Variants in NBEAL1 observed in about 807,000 individuals in gnomAD.
NBEAL1 encodes neurobeachin like 1.
NBEAL1 carries 273 observed loss-of-function variants against 351.3 expected under a neutral mutation model. That is an observed-to-expected ratio of 0.78 (90% CI 0.70 to 0.86). The LOEUF (loss-of-function observed/expected upper bound fraction) is 0.86, where lower values mean the gene tolerates loss of function less well. Among genes scored for constraint, NBEAL1 ranks in the 40% least tolerant of loss-of-function variants. The pLI is 0.00. For missense variants in NBEAL1, 2,961 were observed against 3,201.3 expected (o/e 0.92, Z 1.81); for synonymous variants, 1,050 against 1,086.4 (o/e 0.97, Z 0.66).
At position 203,047,739 on chromosome 2, in the gene NBEAL1, CTAT is replaced by C. The variant is rs780544165; in HGVS notation, c.144-2073_144-2071del. On this transcript the variant is annotated intron_variant, in intron 3 of 55. Coordinates refer to ENST00000683969, the MANE Select transcript of NBEAL1 (RefSeq NM_001378026.1). ...TGCAGTCACAATTTTCTATTTCTTT[CTAT>C]TTTTTTTTTTTTTTTTTTTGAGAGA... is the stretch of plus-strand genomic sequence containing the variant. Among the ~76,000 whole-genome samples the C allele has an allele frequency of 2.4e-4, 23 of 94,362 alleles. No individual in the cohort carries two copies. The East Asian group carries it at 6.1e-3, about 25-fold the overall frequency. The allele number at this position is 94,362 out of a possible 152,430, so 61.9% of individuals were successfully genotyped here. A position where few individuals can be genotyped will look rare whatever the true frequency, so the allele number is the denominator to read the frequency against.
chr2:203,154,361 AG>A (rs1300359333), intron 35 of NBEAL1, among the ~76,000 whole-genome samples: 7 of 152,204 alleles, frequency 4.6e-5, no homozygotes, highest in Admixed American at 4.6e-4. Context: ...ATATCTTTAA[AG>A]TTCTTTGAAG....
intron 3 of NBEAL1, among the ~76,000 whole-genome samples, chr2:203,044,585 A>C (rs1398751267): frequency 6.6e-6 from 1 of 152,216 alleles, no homozygotes; most frequent in Non-Finnish European, 1.5e-5. Context: ...GAAGAACGCC[A>C]AGAGCATTGC....
chr2:203,057,456 A>T lies in NBEAL1; in HGVS notation c.515+3A>T, dbSNP rs2061422448. 11 of 1,545,634 alleles carry T rather than the reference A, an allele frequency of 7.1e-6. No homozygotes were observed. Among genetic ancestry groups the T allele is most frequent in the Non-Finnish European group, 9.6e-6 (11 of 1,143,582 alleles). On this transcript the variant is annotated splice_donor_region_variant and intron_variant, in intron 6 of 55. Transcript: ENST00000683969. ...AATTGGAGACATAGAATTTCAGGGTATGTCTTATAAATAATAACGTTCATT... is the reference window on the plus strand; with the variant it reads ...AATTGGAGACATAGAATTTCAGGGTTTGTCTTATAAATAATAACGTTCATT...
chr2:203,145,218 T>C (rs546177523), intron 33 of NBEAL1, 58 bp downstream of exon 33: 1 of 1,479,180 alleles, frequency 6.8e-7, no homozygotes, highest in East Asian at 2.3e-5. Flanking sequence ...CATTTAATAT[T>C]GATTAAGAGT....
At position 203,136,118 on chromosome 2, in the gene NBEAL1, G is replaced by T; in HGVS notation, c.4255G>T (p.Val1419Leu). Residue 1419 changes from valine to leucine, a missense_variant, in exon 28 of 56, where the codon GTG becomes TTG. Val to Leu is a conservative substitution (Grantham distance 32). Transcript: ENST00000683969. ...TGAAATGAGTGATAGTGGAAGTCAA[G>T]TGCCAGACAGTCTGCCTAGCACACC... ...SCEMSDSGSQ[V>L]PDSLPSTPSP... The T allele has an allele frequency of 6.2e-7, 1 of 1,614,164 alleles. No individual in the cohort carries two copies. Among genetic ancestry groups the T allele is most frequent in the South Asian group, 1.1e-5 (1 of 91,080 alleles).
intron 34 of NBEAL1, among the ~76,000 whole-genome samples, chr2:203,149,781 A>G (rs549449669): frequency 6.6e-6 from 1 of 152,180 alleles, no homozygotes; most frequent in East Asian, 1.9e-4. Context: ...GACTGTATTT[A>G]TTGCCTGTTC....
intron 7 of NBEAL1, among the ~76,000 whole-genome samples, chr2:203,069,889 G>A (rs2061653253): frequency 6.6e-6 from 1 of 152,030 alleles, no homozygotes; most frequent in African/African-American, 2.4e-5. Context: ...CAGACTCCTG[G>A]CCTCAAGTGA....
chr2:203,070,181 T>G (rs2106130722), intron 7 of NBEAL1, among the ~76,000 whole-genome samples: 1 of 152,226 alleles, frequency 6.6e-6, no homozygotes, highest in African/African-American at 2.4e-5. Flanking sequence ...TTTTTATTAC[T>G]GAATGGACAT....
intron 34 of NBEAL1, 52 bp from the exon 35 acceptor site, chr2:203,151,413 C>A: frequency 7.5e-7 from 1 of 1,332,072 alleles, no homozygotes; most frequent in South Asian, 1.4e-5. Context: ...ATCAAACAAT[C>A]TTTGTAACTT....
At chr2:203,163,367 A>G (rs1396841271) in intron 36 of NBEAL1, among the ~76,000 whole-genome samples, 2 of 152,342 alleles carry the variant, frequency 1.3e-5, no homozygotes, top group East Asian at 1.9e-4. Flanking sequence ...ACAGATTTCA[A>G]TTTTGTTTAA....
chr2:203,184,074 T>TAAAAAAAAAAAAAAAAAAAAAA (rs1170251389), intron 44 of NBEAL1, among the ~76,000 whole-genome samples: 1 of 87,986 alleles, frequency 1.1e-5, no homozygotes, highest in Non-Finnish European at 2.1e-5. Flanking sequence ...CGAGACTGTC[T>TAAAAAAAAAAAAAAAAAAAAAA]AAAAAAAAAA....
chr2:203,105,712 T>C (rs559359091), intron 12 of NBEAL1, among the ~76,000 whole-genome samples: 1 of 152,338 alleles, frequency 6.6e-6, no homozygotes, highest in South Asian at 2.1e-4. Context: ...TGTTTGCCTA[T>C]ACTTGTGATA....
Position 203,113,222 on chromosome 2 carries a change from TG to T in NBEAL1, c.2415del (p.Cys806ValfsTer9). 1.3e-6 allele frequency: 2 copies of T among 1,543,088 alleles called. No individual in the cohort carries two copies. The highest frequency in any genetic ancestry group is 2.4e-5 in the East Asian group (1 of 41,192). ...ATCAGCTGGAACCCAAGACAGTGAA[TG>T]GGGGTGTCCCACATCTCTGGAGGGT... ...LISAGTQDSE[W>X]GCPTSLEGQL... On this transcript the variant is annotated frameshift_variant, in exon 17 of 56. Transcript: ENST00000683969. LOFTEE classifies it high-confidence loss of function.
chr2:203,221,669 T>G lies in NBEAL1; in HGVS notation c.*4315T>G, dbSNP rs2065955545. 6.6e-6 allele frequency among the ~76,000 whole-genome samples: 1 copy of G among 152,226 alleles called. No homozygotes were observed. The highest frequency in any genetic ancestry group is 2.4e-5 in the African/African-American group (1 of 41,462). On this transcript the variant is annotated 3_prime_UTR_variant, in exon 56 of 56. Transcript: ENST00000683969. ...CAATCTTAAACATTTTCATCACTCT[T>G]TAACAAAATCCATTCTCAATATTCT...
intron 3 of NBEAL1, among the ~76,000 whole-genome samples, chr2:203,043,116 C>T (rs2061169780): frequency 6.6e-6 from 1 of 152,080 alleles, no homozygotes; most frequent in South Asian, 2.1e-4. Flanking sequence ...TGAGTTGAAA[C>T]TTATTTTCAT....
intron 17 of NBEAL1, among the ~76,000 whole-genome samples, chr2:203,113,731 C>T (rs951813362): frequency 1.3e-5 from 2 of 151,704 alleles, no homozygotes; most frequent in East Asian, 1.9e-4. Context: ...TTCTCTTCCT[C>T]GCTTATGAGG....
intron 3 of NBEAL1, among the ~76,000 whole-genome samples, chr2:203,045,995 C>A (rs1415833527): frequency 6.6e-6 from 1 of 152,058 alleles, no homozygotes; most frequent in African/African-American, 2.4e-5. Flanking sequence ...TGGTTTGAGA[C>A]CCCTGTAAAA....
In NBEAL1 at chr2:203,151,586, C is replaced by T. The variant is rs765496152; in HGVS notation, c.5584C>T (p.Leu1862=). 1.3e-6 allele frequency: 2 copies of T among 1,598,998 alleles called. No individual in the cohort carries two copies. The highest frequency in any genetic ancestry group is 2.2e-5 in the East Asian group (1 of 44,590). Residue 1862 remains leucine, a synonymous_variant, in exon 35 of 56, where the codon CTG becomes TTG. Coordinates refer to ENST00000683969, the MANE Select transcript of NBEAL1 (RefSeq NM_001378026.1). ...GGAAGCTAGTGCCTTGAGAGATAAT[C>T]TGGGTGAGTTCCAATGACTGTTTAA... ...HEEASALRDN[L]GIQHSQPSSD...
chr2:203,126,602 T>C lies in NBEAL1; in HGVS notation c.3031T>C (p.Leu1011=). 2 of 1,518,506 alleles carry C rather than the reference T, an allele frequency of 1.3e-6. No homozygotes were observed. Among genetic ancestry groups the C allele is most frequent in the Non-Finnish European group, 1.8e-6 (2 of 1,133,824 alleles). 94.1% of individuals were successfully genotyped at this position (1,518,506 alleles called of 1,614,324 possible). The change falls in exon 22 of 56, where the codon TTA becomes CTA. Residue 1011 remains leucine, a synonymous_variant. Transcript: ENST00000683969. ...TGTTAATGTGTTGATGGCAGTTCAG[T>C]TACTAATTGAACAAGTATCATTAGA... ...MDVNVLMAVQ[L]LIEQVSLEKN... is the part of the protein sequence containing the mutation.
Sources: allele counts gnomAD v4.1 joint callset (sites outside exome capture counted in the v4.1 genomes callset), GRCh38; gene constraint gnomAD v4.1.1; transcripts MANE v1.5; gene names NCBI Gene and HGNC (gene_info 2026-07-23, HGNC 2026-07-21).